MICU1: variants seen among roughly 807,000 people sequenced by gnomAD.
MICU1 encodes mitochondrial calcium uptake 1.
MICU1 carries 45 observed loss-of-function variants against 56.8 expected under a neutral mutation model. The ratio of observed to expected loss-of-function variants is 0.79; its 90% confidence interval spans 0.62 to 1.02. The LOEUF (loss-of-function observed/expected upper bound fraction) is 1.02. MICU1 is among the 50% of genes least tolerant of loss of function. The pLI, the probability that MICU1 is intolerant of heterozygous loss-of-function variation, is 0.00. For synonymous variants in MICU1, 186 were observed against 195.1 expected (o/e 0.95, Z 0.39); for missense variants, 504 against 587.1 (o/e 0.86, Z 1.46).
intron 8 of MICU1, among the ~76,000 whole-genome samples, chr10:72,456,874 TGTGTGTGTGTGTGTGTGTGTGTGTGTG>T (rs1865479284): frequency 5.4e-4 from 67 of 124,738 alleles, no homozygotes; most frequent in African/African-American, 2.9e-3. Context: ...TGTGTGTGTG[TGTGTGTGTGTGTGTGTGTGTGTGTGTG>T]TTTTGTTTGT....
chr10:72,549,536 T>C (rs558844194), intron 4 of MICU1, among the ~76,000 whole-genome samples: 2 of 152,306 alleles, frequency 1.3e-5, no homozygotes, highest in Non-Finnish European at 1.5e-5. Flanking sequence ...CTCTGAATGA[T>C]GCCTTTTCTT....
At chr10:72,500,278 A>ATATATATT (rs1554881662) in intron 6 of MICU1, among the ~76,000 whole-genome samples, 3 of 70,238 alleles carry the variant, frequency 4.3e-5, no homozygotes, top group African/African-American at 2.2e-4. Context: ...ATATATATAT[A>ATATATATT]TATATATATA....
intron 1 of MICU1, among the ~76,000 whole-genome samples, chr10:72,617,792 A>G (rs959599968): frequency 2.6e-5 from 4 of 152,190 alleles, no homozygotes; most frequent in African/African-American, 9.7e-5. Context: ...TGGTCACACT[A>G]CTGCACTCCA....
rs1446492890 is a variant in MICU1, at chr10:72,551,347, G to A, written c.331-6C>T. ...CTATTCTCATATTCCATCACCTAAA[G>A]TTAGAAATTTAGAAAGTGTTACTAT... On this transcript the variant is annotated splice_region_variant and splice_polypyrimidine_tract_variant and intron_variant, in intron 3 of 11. Transcript: ENST00000361114. 1.9e-6 allele frequency: 3 copies of A among 1,595,128 alleles called. No homozygotes were observed. Among genetic ancestry groups the A allele is most frequent in the Admixed American group, 3.6e-5 (2 of 56,084 alleles).
At chr10:72,547,128 C>T (rs933675721) in intron 4 of MICU1, among the ~76,000 whole-genome samples, 2 of 151,944 alleles carry the variant, frequency 1.3e-5, no homozygotes, top group South Asian at 4.2e-4. Context: ...CTCCTGACCT[C>T]GTGATCTGTC....
intron 8 of MICU1, among the ~76,000 whole-genome samples, chr10:72,444,594 C>A (rs777061959): frequency 6.6e-6 from 1 of 151,908 alleles, no homozygotes. Flanking sequence ...GGATTACAGG[C>A]GTGCACCACC....
At chr10:72,595,991 T>TC (rs1841370293) in intron 1 of MICU1, among the ~76,000 whole-genome samples, 2 of 149,452 alleles carry the variant, frequency 1.3e-5, no homozygotes, top group African/African-American at 4.9e-5. Flanking sequence ...TTTTCTTTTT[T>TC]TTTTTTTTTT....
At chr10:72,418,211 G>C (rs771452680) in intron 9 of MICU1, among the ~76,000 whole-genome samples, 1 of 152,018 alleles carries the variant, frequency 6.6e-6, no homozygotes, top group Non-Finnish European at 1.5e-5. Context: ...ATCTGGGTGG[G>C]GACACAGCCA....
intron 1 of MICU1, among the ~76,000 whole-genome samples, chr10:72,587,808 T>C (rs954503436): frequency 2.0e-5 from 3 of 149,984 alleles, no homozygotes; most frequent in East Asian, 3.9e-4. Context: ...ATAAAACAAA[T>C]AAATAAATAA....
intron 6 of MICU1, among the ~76,000 whole-genome samples, chr10:72,485,305 T>G (rs962655875): frequency 1.3e-5 from 2 of 152,102 alleles, no homozygotes; most frequent in Non-Finnish European, 2.9e-5. Context: ...CTCGATTTCC[T>G]GGGCTCAAGT....
intron 5 of MICU1, among the ~76,000 whole-genome samples, chr10:72,522,381 G>A (rs79438350): frequency 0.027 from 4,158 of 152,094 alleles, 185 homozygotes; most frequent in African/African-American, 0.096. Context: ...TAAATCAAAT[G>A]GGTTCATTGA....
intron 7 of MICU1, 55 bp downstream of exon 7, chr10:72,477,119 T>C (rs2132272799): frequency 1.5e-6 from 2 of 1,366,054 alleles, no homozygotes; most frequent in African/African-American, 1.5e-5. Context: ...CCAAGGCACA[T>C]GAAAATGTAT....
intron 8 of MICU1, among the ~76,000 whole-genome samples, chr10:72,447,080 G>A (rs943573096): frequency 1.3e-5 from 2 of 152,154 alleles, no homozygotes; most frequent in African/African-American, 4.8e-5. Flanking sequence ...GGCAAGACTG[G>A]AACTATGCTT....
intron 1 of MICU1, among the ~76,000 whole-genome samples, chr10:72,624,360 T>A (rs1489997220): frequency 1.3e-5 from 2 of 152,122 alleles, no homozygotes; most frequent in Admixed American, 6.6e-5. Context: ...CTAATTTTTG[T>A]GTTTTGTAGA....
At chr10:72,381,575 A>G (rs1818958607) in intron 10 of MICU1, among the ~76,000 whole-genome samples, 1 of 152,132 alleles carries the variant, frequency 6.6e-6, no homozygotes, top group South Asian at 2.1e-4. Context: ...AATGATAACA[A>G]TTCCTTGTTC....
At chr10:72,405,843 A>C (rs1863611945) in intron 10 of MICU1, among the ~76,000 whole-genome samples, 1 of 152,126 alleles carries the variant, frequency 6.6e-6, no homozygotes, top group Non-Finnish European at 1.5e-5. Context: ...TAATTTTCTT[A>C]ATCTGACAAC....
At chr10:72,625,922 A>T (rs563185678) in intron 1 of MICU1, 88 bp downstream of exon 1, 1 of 153,292 alleles carries the variant, frequency 6.5e-6, no homozygotes, top group East Asian at 1.9e-4. Context: ...CACGAAGCCC[A>T]GTTCCCTAAG....
At chr10:72,605,422 G>A (rs1394624448) in intron 1 of MICU1, among the ~76,000 whole-genome samples, 1 of 152,228 alleles carries the variant, frequency 6.6e-6, no homozygotes, top group Non-Finnish European at 1.5e-5. Flanking sequence ...AGCAGCCCAT[G>A]AGGGCTGCTC....
chr10:72,449,367 C>T (rs369311967), intron 8 of MICU1, among the ~76,000 whole-genome samples: 6 of 151,996 alleles, frequency 3.9e-5, no homozygotes, highest in East Asian at 1.9e-4. Flanking sequence ...CACTGCACTC[C>T]GGCCTGGGTG....
Sources: gnomAD v4.1 joint callset for allele counts (sites outside exome capture counted in the v4.1 genomes callset) on GRCh38, gnomAD v4.1.1 for gene constraint, MANE v1.5 for transcripts, NCBI Gene and HGNC (gene_info 2026-07-23, HGNC 2026-07-21) for gene names.